The following GALC variants were observed in gnomAD, a reference collection of about 807,000 sequenced individuals.
GALC encodes the protein galactosylceramidase.
Under a neutral mutation model 91.8 loss-of-function variants are expected in GALC, and 77 were observed. The ratio of observed to expected loss-of-function variants is 0.84; its 90% CI spans 0.70 to 1.01. The LOEUF is 1.01. Among genes scored for constraint, GALC ranks in the 50% least tolerant of loss-of-function variants. GALC has a pLI of 0.00. For missense variants in GALC, 882 were observed against 855.9 expected (o/e 1.03, Z -0.38); for synonymous variants, 357 against 306.7 (o/e 1.16, Z -1.71).
At chr14:87,945,362 C>CA (rs971695234) in intron 14 of GALC, among the ~76,000 whole-genome samples, 191 bp downstream of exon 14, 19 of 152,138 alleles carry the variant, frequency 1.2e-4, no homozygotes, top group African/African-American at 4.6e-4. Context: ...GAGGGAAGGA[C>CA]ACTGGGGCAG....
At chr14:87,970,595 T>C (rs1316534053) in intron 7 of GALC, among the ~76,000 whole-genome samples, 2 of 151,828 alleles carry the variant, frequency 1.3e-5, no homozygotes, top group Non-Finnish European at 2.9e-5. Context: ...ATGTAAAGGC[T>C]CTTTAAGAAT....
At chr14:87,980,493 A>AT in intron 6 of GALC, 1 of 982,474 alleles carries the variant, frequency 1.0e-6, no homozygotes, top group Non-Finnish European at 1.2e-6. Context: ...TTTTTCCCCC[A>AT]TATCCCTTTA....
chr14:87,968,870 T>A (rs981050088), intron 7 of GALC, among the ~76,000 whole-genome samples: 1 of 152,200 alleles, frequency 6.6e-6, no homozygotes, highest in East Asian at 1.9e-4. Flanking sequence ...GAAGTAAAGA[T>A]AAGATTCAGA....
chr14:87,941,998 A>T (rs1256031721), intron 14 of GALC, among the ~76,000 whole-genome samples: 4 of 151,988 alleles, frequency 2.6e-5, no homozygotes, highest in Admixed American at 2.0e-4. Context: ...CCTTTGAGAG[A>T]ACACAAGCTA....
At chr14:87,978,858 C>T (rs1024509369) in intron 6 of GALC, among the ~76,000 whole-genome samples, 1 of 151,690 alleles carries the variant, frequency 6.6e-6, no homozygotes, top group East Asian at 1.9e-4. Flanking sequence ...GAAACAATAC[C>T]CTTGTCATCT....
At position 87,934,141 on chromosome 14, in the gene GALC, C is replaced by A; in HGVS notation, c.*591G>T. The A allele has an allele frequency of 3.5e-6, 5 of 1,422,756 alleles. No homozygotes were observed. Among genetic ancestry groups the A allele is most frequent in the Non-Finnish European group, 4.6e-6 (5 of 1,087,902 alleles). 88.1% of individuals were successfully genotyped at this position (1,422,756 alleles called of 1,614,324 possible). On this transcript the variant is annotated 3_prime_UTR_variant, in exon 17 of 17. Coordinates refer to ENST00000261304, the MANE Select transcript of GALC (RefSeq NM_000153.4). ...TGTTAGAGGTAGTTTATTAAAGAGG[C>A]ATTTTTAAAATCATCCCACTCATCA...
At chr14:87,987,828 C>T (rs1036070641) in intron 3 of GALC, 2 of 219,206 alleles carry the variant, frequency 9.1e-6, no homozygotes, top group East Asian at 9.5e-5. Context: ...ATCTTTCTAA[C>T]TGCTCAATAA....
At chr14:87,982,316 A>G (rs765393541) in intron 5 of GALC, 73 bp from the exon 6 acceptor site, 160 of 967,724 alleles carry the variant, frequency 1.7e-4, no homozygotes, top group Non-Finnish European at 2.5e-4. Context: ...TCGTTACGAT[A>G]CCATTTCTCT....
chr14:87,965,622 C>A lies in GALC; in HGVS notation c.916G>T (p.Ala306Ser). The A allele has an allele frequency of 1.4e-5, 22 of 1,612,914 alleles. No individual in the cohort carries two copies. Among genetic ancestry groups the A allele is most frequent in the Non-Finnish European group, 1.8e-5 (21 of 1,179,328 alleles). ...YINGYMTSTI[A>S]WNLVASYYEQ... ...TAGTAACTAGCCACTAAATTCCATGCGATTGTGCTAAAAGATTTGATAAAA... is the reference window on the plus strand; with the variant it reads ...TAGTAACTAGCCACTAAATTCCATGAGATTGTGCTAAAAGATTTGATAAAA... The change falls in exon 9 of 17, where the codon GCA becomes TCA. Residue 306 changes from alanine to serine, a missense_variant. Physicochemically the swap from Ala to Ser is moderately conservative, Grantham distance 99 (BLOSUM62 1). Coordinates refer to ENST00000261304, the MANE Select transcript of GALC (RefSeq NM_000153.4).
At position 87,992,990 on chromosome 14, in the gene GALC, C is replaced by G; in HGVS notation, c.175G>C (p.Gly59Arg). 6.5e-7 allele frequency: 1 copy of G among 1,532,478 alleles called. No individual in the cohort carries two copies. Among genetic ancestry groups the G allele is most frequent in the East Asian group, 2.6e-5 (1 of 38,424 alleles). The allele number at this position is 1,532,478 out of a possible 1,614,324, so 94.9% of individuals were successfully genotyped here. ...DGLGREFDGI[G>R]AVSGGGATSR... ...CTCACCCCGCCGCCGCTGACCGCGC[C>G]GATGCCGTCGAACTCCCGGCCCAGC... Residue 59 changes from glycine to arginine, a missense_variant, in exon 1 of 17, where the codon GGC becomes CGC. Coordinates refer to ENST00000261304, the MANE Select transcript of GALC (RefSeq NM_000153.4).
At chr14:87,978,792 C>T (rs1170043883) in intron 6 of GALC, among the ~76,000 whole-genome samples, 3 of 150,126 alleles carry the variant, frequency 2.0e-5, no homozygotes, top group Non-Finnish European at 4.4e-5. Context: ...AAGAACACCA[C>T]TGAAAACCAC....
chr14:87,989,103 G>A (rs1480420994), intron 1 of GALC, among the ~76,000 whole-genome samples: 2 of 152,074 alleles, frequency 1.3e-5, no homozygotes, highest in Admixed American at 6.6e-5. Context: ...CCTGGACCAC[G>A]GCATACAACT....
intron 1 of GALC, among the ~76,000 whole-genome samples, chr14:87,991,993 G>A (rs545825428): frequency 6.6e-6 from 1 of 152,262 alleles, no homozygotes; most frequent in Admixed American, 6.5e-5. Flanking sequence ...CGGCCCACAG[G>A]TTTCCCCTGA....
chr14:87,963,738 G>C (rs1885909286), intron 9 of GALC, among the ~76,000 whole-genome samples: 1 of 151,832 alleles, frequency 6.6e-6, no homozygotes, highest in Admixed American at 6.6e-5. Flanking sequence ...AAAAATAAAT[G>C]AACCTGTCAG....
At chr14:87,935,363 ATAAT>A (rs1884528635) in intron 16 of GALC, among the ~76,000 whole-genome samples, 1 of 152,064 alleles carries the variant, frequency 6.6e-6, no homozygotes, top group Admixed American at 6.6e-5. Context: ...CAGAAGAAAA[ATAAT>A]TAACCTTAGT....
chr14:87,933,868 A>G lies in GALC; in HGVS notation c.*864T>C. The G allele has an allele frequency of 1.1e-6, 1 of 896,078 alleles. No homozygotes were observed. Among genetic ancestry groups the G allele is most frequent in the Non-Finnish European group, 1.7e-6 (1 of 579,366 alleles). The allele number at this position is 896,078 out of a possible 1,614,324, so 55.5% of individuals were successfully genotyped here. ...CCCTCCTTCCACACATAAGGAGAGA[A>G]AAGCATTCATCAGCTGTGTGAGTCT... On this transcript the variant is annotated 3_prime_UTR_variant, in exon 17 of 17. Coordinates refer to ENST00000261304, the MANE Select transcript of GALC (RefSeq NM_000153.4).
At chr14:87,977,380 T>C (rs141059638) in intron 6 of GALC, among the ~76,000 whole-genome samples, 163 of 152,228 alleles carry the variant, frequency 1.1e-3, no homozygotes, top group South Asian at 2.9e-3. Context: ...ATGAGGACTC[T>C]AAAAGAAGTA....
chr14:87,937,703 C>T (rs1179548052), intron 16 of GALC, among the ~76,000 whole-genome samples: 1 of 151,474 alleles, frequency 6.6e-6, no homozygotes, highest in African/African-American at 2.4e-5. Flanking sequence ...AGATGCCTCA[C>T]ATCCTATTGA....
chr14:87,953,389 T>TC, intron 10 of GALC: 3 of 1,435,694 alleles, frequency 2.1e-6, no homozygotes, highest in Non-Finnish European at 2.9e-6. Context: ...TACAGAAGCA[T>TC]ATGAAAGTGG....
Sources: gnomAD v4.1 joint callset for allele counts (sites outside exome capture counted in the v4.1 genomes callset) on GRCh38, gnomAD v4.1.1 for gene constraint, MANE v1.5 for transcripts, NCBI Gene and HGNC (gene_info 2026-07-23, HGNC 2026-07-21) for gene names.